KANK1: variants seen among roughly 807,000 people sequenced by gnomAD.
KANK1 encodes KN motif and ankyrin repeat domain-containing protein 1.
KANK1 carries 109 observed loss-of-function variants against 106.2 expected under a neutral mutation model. The observed-to-expected ratio is 1.03, with a 90% CI of 0.88 to 1.20. KANK1 has a LOEUF of 1.20. Among genes scored for constraint, KANK1 ranks in the 50% most tolerant of loss-of-function variants. The probability of loss-of-function intolerance (pLI) is 0.00; values close to 1 mark genes in which losing one functional copy is unlikely to be tolerated. For missense variants in KANK1, 2,399 were observed against 1,710.7 expected, an observed-to-expected ratio of 1.40 and a Z score of -7.10; for synonymous variants, 873 against 652.2, an observed-to-expected ratio of 1.34 and a Z score of -5.16.
At chr9:623,623 G>GA (rs1415590469) in intron 1 of KANK1, among the ~76,000 whole-genome samples, 22 of 140,684 alleles carry the variant, frequency 1.6e-4, no homozygotes, top group East Asian at 2.0e-4. Context: ...AAAAGAAAAA[G>GA]AAAAAAAAAA....
At position 711,878 on chromosome 9, in the gene KANK1, CAGCAGACATGCAAGCCCTGG is replaced by C; in HGVS notation, c.1119_1138del (p.Asp373GlufsTer8). 7 of 1,614,198 alleles carry C rather than the reference CAGCAGACATGCAAGCCCTGG, an allele frequency of 4.3e-6. No individual in the cohort carries two copies. The highest frequency in any genetic ancestry group is 5.9e-6 in the Non-Finnish European group (7 of 1,180,042). ...AGGATAAAGGAGTTCCGGCAACTTA[CAGCAGACATGCAAGCCCTGG>C]AGCAGAAGATCCAGGACAGCAGCTG... On this transcript the variant is annotated frameshift_variant, in exon 3 of 12. Coordinates refer to ENST00000382297, the MANE Select transcript of KANK1 (RefSeq NM_015158.5). LOFTEE classifies it high-confidence loss of function.
At chr9:686,808 T>C (rs1488166572) in intron 2 of KANK1, 1 of 985,266 alleles carries the variant, frequency 1.0e-6, no homozygotes, top group African/African-American at 1.7e-5. Flanking sequence ...GAGTGTTCTC[T>C]GAGGAACATG....
At chr9:705,799 C>T (rs1191800229) in intron 2 of KANK1, among the ~76,000 whole-genome samples, 2 of 151,772 alleles carry the variant, frequency 1.3e-5, no homozygotes, top group Admixed American at 6.6e-5. Flanking sequence ...GGGGTTTCAC[C>T]ATGTTGGCCA....
At chr9:555,417 C>T (rs1191647195) in intron 1 of KANK1, among the ~76,000 whole-genome samples, 1 of 152,210 alleles carries the variant, frequency 6.6e-6, no homozygotes, top group Non-Finnish European at 1.5e-5. Flanking sequence ...CTCTTCCACT[C>T]AGTCTGCTAT....
intron 1 of KANK1, among the ~76,000 whole-genome samples, chr9:630,028 A>G (rs1464340375): frequency 6.7e-6 from 1 of 149,678 alleles, no homozygotes; most frequent in Non-Finnish European, 1.5e-5. Context: ...AAGGCCGATC[A>G]CTTAAGGCCA....
At chr9:581,027 C>A (rs1221450041) in intron 1 of KANK1, among the ~76,000 whole-genome samples, 1 of 151,948 alleles carries the variant, frequency 6.6e-6, no homozygotes, top group East Asian at 1.9e-4. Context: ...CTAAGCCCCT[C>A]ACTGCCCAGG....
intron 1 of KANK1, among the ~76,000 whole-genome samples, chr9:512,070 C>T (rs2132860782): frequency 6.6e-6 from 1 of 152,258 alleles, no homozygotes; most frequent in South Asian, 2.1e-4. Context: ...TCAGCAATGA[C>T]TGTTGAGCAG....
intron 3 of KANK1, among the ~76,000 whole-genome samples, chr9:725,160 C>T (rs1004872338): frequency 1.3e-5 from 2 of 152,064 alleles, no homozygotes; most frequent in Non-Finnish European, 2.9e-5. Context: ...GACTGTTCAC[C>T]GAATTAGGAA....
At chr9:499,529 G>A (rs184584232) in intron 3 of KANK1, among the ~76,000 whole-genome samples, 51 of 152,212 alleles carry the variant, frequency 3.4e-4, no homozygotes, top group African/African-American at 9.4e-4. Context: ...ATCCTCCACC[G>A]CCGACAAGGC....
At chr9:734,547 T>G (rs911427323) in intron 6 of KANK1, 5 of 452,226 alleles carry the variant, frequency 1.1e-5, no homozygotes, top group Non-Finnish European at 1.6e-5. Context: ...ACACCTGTAG[T>G]CCCAGCTACT....
At position 550,622 on chromosome 9, in the gene KANK1, A is replaced by G. The variant is rs149872193; in HGVS notation, c.-84+45868A>G. Among the ~76,000 whole-genome samples the G allele has an allele frequency of 4.8e-3, 725 of 152,216 alleles. 24 individuals carry two copies. The highest frequency in any genetic ancestry group is 0.043 in the Admixed American group (663 of 15,300). The stretch of plus-strand genomic sequence containing the variant: ...ACCCTGTCTCTAATAAAACAAAAAC[A>G]TTACACCATTGTCAGAAAGTGATTT... On this transcript the variant is annotated intron_variant, in intron 1 of 11. Coordinates refer to ENST00000382297, the MANE Select transcript of KANK1 (RefSeq NM_015158.5).
intron 3 of KANK1, among the ~76,000 whole-genome samples, chr9:477,415 T>A (rs553978026): frequency 1.3e-5 from 2 of 152,242 alleles, no homozygotes; most frequent in South Asian, 4.1e-4. Flanking sequence ...TAGATTCCTA[T>A]CACTTCCATT....
chr9:477,304 G>T (rs933175730), intron 3 of KANK1, among the ~76,000 whole-genome samples: 2 of 89,344 alleles, frequency 2.2e-5, no homozygotes, highest in African/African-American at 8.4e-5. Flanking sequence ...AATGCAAACA[G>T]AAAAAAAAAA....
intron 1 of KANK1, among the ~76,000 whole-genome samples, chr9:611,209 C>G (rs951877010): frequency 3.9e-5 from 6 of 152,142 alleles, no homozygotes; most frequent in Admixed American, 2.0e-4. Flanking sequence ...AGTATTGGGT[C>G]CAGCCCACAG....
rs146921843 is a variant in KANK1, at chr9:567,424, T to A, written c.-84+62670T>A. ...GTTTTGGAAAGTGCTATTCTCATTC[T>A]TGCTTTAAAGTTAAACTATAAACTA... On this transcript the variant is annotated intron_variant, in intron 1 of 11. Transcript: ENST00000382297. Among the ~76,000 whole-genome samples the A allele has an allele frequency of 2.5e-3, 381 of 152,370 alleles. 3 individuals carry two copies. The highest frequency in any genetic ancestry group is 8.7e-3 in the African/African-American group (361 of 41,590).
At chr9:738,595 T>C (rs1281239765) in intron 8 of KANK1, 91 bp downstream of exon 8, 7 of 984,922 alleles carry the variant, frequency 7.1e-6, no homozygotes, top group Non-Finnish European at 1.1e-5. Context: ...TCCTGAATTC[T>C]CTGACCATGC....
chr9:678,941 T>G (rs150686352), intron 2 of KANK1, among the ~76,000 whole-genome samples: 1 of 152,186 alleles, frequency 6.6e-6, no homozygotes, highest in Non-Finnish European at 1.5e-5. Flanking sequence ...AACCTTCTTC[T>G]GGTGCCTTGG....
intron 1 of KANK1, among the ~76,000 whole-genome samples, chr9:583,934 C>G (rs560515037): frequency 2.0e-5 from 3 of 151,884 alleles, no homozygotes; most frequent in Non-Finnish European, 4.4e-5. Flanking sequence ...AATAACATTA[C>G]CCATTGTTAG....
chr9:525,732 G>C (rs1264595662), intron 1 of KANK1, among the ~76,000 whole-genome samples: 2 of 151,480 alleles, frequency 1.3e-5, no homozygotes, highest in Non-Finnish European at 2.9e-5. Flanking sequence ...TTTTATTTAA[G>C]GAGGCATGTG....
Sources: gnomAD v4.1 joint callset for allele counts (sites outside exome capture counted in the v4.1 genomes callset) on GRCh38, gnomAD v4.1.1 for gene constraint, MANE v1.5 for transcripts, NCBI Gene and HGNC (gene_info 2026-07-23, HGNC 2026-07-21) for gene names.